DPYD: variants seen among roughly 807,000 people sequenced by gnomAD.
DPYD encodes dihydropyrimidine dehydrogenase, also known as dihydropyrimidine dehydrogenase [NADP(+)].
In DPYD, 109 loss-of-function variants were observed where a neutral mutation model predicts 116.2. That is an observed-to-expected ratio of 0.94 (90% CI 0.80 to 1.10). The LOEUF is 1.10. Among genes scored for constraint, DPYD ranks in the 50% least tolerant of loss-of-function variants. The pLI is 0.00. For missense variants in DPYD, 1,302 were observed against 1,254.5 expected (o/e 1.04, Z -0.57); for synonymous variants, 440 against 432.0 (o/e 1.02, Z -0.23).
In DPYD at chr1:97,920,834, G is replaced by A. The variant is rs367866807; in HGVS notation, c.39+50C>T. On this transcript the variant is annotated intron_variant, in intron 1 of 22. Coordinates refer to ENST00000370192, the MANE Select transcript of DPYD (RefSeq NM_000110.4). ...GGCCTCCCCGGCACCTACCCGCAGA[G>A]CACTCCCCACCACCCCGCCACCACC... The A allele has an allele frequency of 1.1e-5, 17 of 1,565,166 alleles. No homozygotes were observed. The African/African-American group carries it at 1.2e-4, about 11-fold the overall frequency.
At chr1:97,210,678 T>C (rs1235176956) in intron 19 of DPYD, among the ~76,000 whole-genome samples, 4 of 152,160 alleles carry the variant, frequency 2.6e-5, no homozygotes. Flanking sequence ...GCTTGAGACA[T>C]GTCTAGAAAG....
intron 19 of DPYD, among the ~76,000 whole-genome samples, chr1:97,197,256 T>C (rs1013191353): frequency 2.0e-5 from 3 of 152,156 alleles, no homozygotes; most frequent in African/African-American, 4.8e-5. Context: ...ATAAGGAACA[T>C]CATTATCATT....
chr1:97,394,942 G>C (rs1335992473), intron 14 of DPYD, among the ~76,000 whole-genome samples: 1 of 151,958 alleles, frequency 6.6e-6, no homozygotes, highest in Non-Finnish European at 1.5e-5. Context: ...GTAGGAATCT[G>C]GTTTATGCAG....
intron 6 of DPYD, among the ~76,000 whole-genome samples, chr1:97,692,381 T>TTAAA (rs1661055052): frequency 6.6e-6 from 1 of 152,026 alleles, no homozygotes; most frequent in Admixed American, 6.6e-5. Flanking sequence ...AGTTCAGTCA[T>TTAAA]TAAAAAACAA....
chr1:97,555,351 C>T (rs1315721068), intron 11 of DPYD, among the ~76,000 whole-genome samples: 1 of 152,042 alleles, frequency 6.6e-6, no homozygotes, highest in African/African-American at 2.4e-5. Context: ...TAAAGATGGC[C>T]TCGAACTCTC....
chr1:97,852,132 G>C (rs751213830), intron 2 of DPYD, among the ~76,000 whole-genome samples: 7 of 151,744 alleles, frequency 4.6e-5, no homozygotes, highest in Non-Finnish European at 8.8e-5. Context: ...TCAAGGACCA[G>C]CACTAGGAAA....
At chr1:97,236,407 A>T (rs1303997850) in intron 18 of DPYD, among the ~76,000 whole-genome samples, 1 of 151,940 alleles carries the variant, frequency 6.6e-6, no homozygotes, top group African/African-American at 2.4e-5. Context: ...AAATTAAAAA[A>T]TAAAATAAAA....
chr1:97,513,394 G>C (rs1055538435), intron 13 of DPYD, among the ~76,000 whole-genome samples: 1 of 151,590 alleles, frequency 6.6e-6, no homozygotes, highest in Non-Finnish European at 1.5e-5. Flanking sequence ...AATTTTCACC[G>C]AACTCCCTTG....
intron 18 of DPYD, among the ~76,000 whole-genome samples, chr1:97,239,663 A>G (rs1662194004): frequency 2.0e-5 from 3 of 152,124 alleles, no homozygotes; most frequent in Admixed American, 1.3e-4. Flanking sequence ...AAATACTATT[A>G]ATATGAATTC....
intron 8 of DPYD, among the ~76,000 whole-genome samples, chr1:97,641,844 G>T (rs1657927165): frequency 6.6e-6 from 1 of 152,144 alleles, no homozygotes; most frequent in Non-Finnish European, 1.5e-5. Context: ...TGTATATTTA[G>T]AAAACCCCAT....
At chr1:97,530,214 CTTT>C (rs57740723) in intron 12 of DPYD, among the ~76,000 whole-genome samples, 97 of 112,692 alleles carry the variant, frequency 8.6e-4, no homozygotes, top group African/African-American at 2.3e-3. Context: ...CTTTTTTTTT[CTTT>C]TTTTTTTTTT....
chr1:97,147,400 G>A (rs140898317), intron 20 of DPYD, among the ~76,000 whole-genome samples: 36 of 152,178 alleles, frequency 2.4e-4, no homozygotes, highest in African/African-American at 7.0e-4. Context: ...GGCAAAATAG[G>A]TTGCAGGGAG....
intron 5 of DPYD, among the ~76,000 whole-genome samples, chr1:97,717,590 C>T (rs1435757186): frequency 1.3e-5 from 2 of 152,018 alleles, no homozygotes; most frequent in Non-Finnish European, 2.9e-5. Flanking sequence ...CCTCATCCTC[C>T]CACCCACCAT....
chr1:97,362,284 T>A (rs1033567664), intron 16 of DPYD, among the ~76,000 whole-genome samples: 3 of 152,136 alleles, frequency 2.0e-5, no homozygotes, highest in African/African-American at 7.2e-5. Flanking sequence ...TACAAACCAC[T>A]GCTCAATGAA....
At chr1:97,381,778 A>G (rs1359871637) in intron 15 of DPYD, among the ~76,000 whole-genome samples, 1 of 152,170 alleles carries the variant, frequency 6.6e-6, no homozygotes, top group Non-Finnish European at 1.5e-5. Context: ...ACATAAGTGT[A>G]TAATTTTAAG....
Position 97,382,422 on chromosome 1 carries a change from C to T in DPYD, c.1945G>A (p.Asp649Asn). The T allele has an allele frequency of 6.3e-7, 1 of 1,598,972 alleles. No homozygotes were observed. Among genetic ancestry groups the T allele is most frequent in the Non-Finnish European group, 8.5e-7 (1 of 1,172,402 alleles). Residue 649 changes from aspartate to asparagine, a missense_variant, in exon 15 of 23, where the codon GAC (aspartate) becomes AAC (asparagine). Physicochemically the swap from Asp to Asn is conservative, Grantham distance 23. Transcript: ENST00000370192. ...GACTTCTTGGCAAGTTCCGTCCAGT[C>T]ATTTTTATTGTAACTGCACATAATG... ...ASIMCSYNKNDWTELAKKSED... is the reference protein window; with the variant it reads ...ASIMCSYNKNNWTELAKKSED...
At chr1:97,884,761 G>A (rs1030300241) in intron 1 of DPYD, among the ~76,000 whole-genome samples, 1 of 152,008 alleles carries the variant, frequency 6.6e-6, no homozygotes. Context: ...AACTGTGAAT[G>A]TGTTGAGTTG....
intron 11 of DPYD, among the ~76,000 whole-genome samples, chr1:97,551,516 CA>C (rs1553194074): frequency 1.3e-5 from 2 of 151,880 alleles, no homozygotes; most frequent in Non-Finnish European, 2.9e-5. Flanking sequence ...CTTATGTTTC[CA>C]AAACTTTGGC....
At chr1:97,350,576 T>C (rs961014599) in intron 16 of DPYD, among the ~76,000 whole-genome samples, 18 of 152,158 alleles carry the variant, frequency 1.2e-4, no homozygotes, top group Non-Finnish European at 2.2e-4. Flanking sequence ...AATAGCTTAT[T>C]ATTGGAGCAG....
Sources: gnomAD v4.1 joint callset for allele counts (sites outside exome capture counted in the v4.1 genomes callset) on GRCh38, gnomAD v4.1.1 for gene constraint, MANE v1.5 for transcripts, NCBI Gene and HGNC (gene_info 2026-07-23, HGNC 2026-07-21) for gene names.